The following CTNNA3 variants were observed in gnomAD, a reference collection of about 807,000 sequenced individuals.
The protein encoded by CTNNA3 is catenin alpha 3.
A neutral mutation model predicts 95.7 loss-of-function variants in CTNNA3; 76 were observed. The observed-to-expected ratio is 0.79, with a 90% CI of 0.66 to 0.96. The LOEUF (loss-of-function observed/expected upper bound fraction) is 0.96, where lower values mean the gene tolerates loss of function less well. Ranked by LOEUF, CTNNA3 falls within the 40% of genes least tolerant of loss-of-function variation. The probability of loss-of-function intolerance (pLI) is 0.00; values close to 1 mark genes in which losing one functional copy is unlikely to be tolerated. For synonymous variants in CTNNA3, 431 were observed against 374.4 expected (o/e 1.15, Z -1.74); for missense variants, 1,191 against 1,089.8 (o/e 1.09, Z -1.31).
chr10:66,525,463 A>G (rs965290798), intron 10 of CTNNA3, among the ~76,000 whole-genome samples: 5 of 152,126 alleles, frequency 3.3e-5, no homozygotes, highest in African/African-American at 7.2e-5. Context: ...AGAAGTTGTC[A>G]ACTTGACCTA....
chr10:67,667,697 G>A (rs751247138), intron 1 of CTNNA3, among the ~76,000 whole-genome samples: 17 of 151,946 alleles, frequency 1.1e-4, no homozygotes, highest in Non-Finnish European at 1.9e-4. Flanking sequence ...CTATAAGATC[G>A]TCTCTCATAC....
chr10:66,411,837 C>T (rs879481937), intron 11 of CTNNA3, among the ~76,000 whole-genome samples: 2 of 152,096 alleles, frequency 1.3e-5, no homozygotes, highest in African/African-American at 2.4e-5. Context: ...AGAGTTCCTC[C>T]AGGAAACACA....
chr10:66,393,391 A>T (rs2092949090), intron 11 of CTNNA3, among the ~76,000 whole-genome samples: 1 of 152,110 alleles, frequency 6.6e-6, no homozygotes, highest in African/African-American at 2.4e-5. Flanking sequence ...ATGTATCAGT[A>T]TTGGTTCATC....
chr10:66,611,525 C>T (rs921338628), intron 10 of CTNNA3, among the ~76,000 whole-genome samples: 1 of 152,080 alleles, frequency 6.6e-6, no homozygotes, highest in Non-Finnish European at 1.5e-5. Context: ...ATTCTCTTTT[C>T]CACAATTAGG....
intron 14 of CTNNA3, chr10:66,079,292 T>C (rs887167736): frequency 1.3e-5 from 2 of 151,908 alleles, no homozygotes; most frequent in African/African-American, 2.4e-5. Context: ...AAAAGACGTA[T>C]TTAGAACATT....
intron 5 of CTNNA3, among the ~76,000 whole-genome samples, chr10:67,432,943 T>C (rs924544002): frequency 3.3e-5 from 5 of 151,992 alleles, no homozygotes; most frequent in Non-Finnish European, 7.4e-5. Context: ...TCTAGAAGAG[T>C]ATGTGTAGCA....
At chr10:65,999,152 C>T (rs772028978) in intron 15 of CTNNA3, among the ~76,000 whole-genome samples, 2 of 152,052 alleles carry the variant, frequency 1.3e-5, no homozygotes, top group Non-Finnish European at 2.9e-5. Flanking sequence ...TCAGGCAGGA[C>T]TAGATGTTAC....
chr10:66,428,884 G>A (rs1267762879), intron 11 of CTNNA3, among the ~76,000 whole-genome samples: 1 of 151,720 alleles, frequency 6.6e-6, no homozygotes, highest in Non-Finnish European at 1.5e-5. Flanking sequence ...GCTAGCAGAA[G>A]GCAAGAAATA....
chr10:66,403,953 T>A (rs1353536642), intron 11 of CTNNA3, among the ~76,000 whole-genome samples: 1 of 152,180 alleles, frequency 6.6e-6, no homozygotes, highest in Non-Finnish European at 1.5e-5. Context: ...TTTGTAAGAC[T>A]GAGAGGCCAC....
rs966968520 is a variant in CTNNA3, at chr10:65,918,357, C to G, written c.*1973G>C. On this transcript the variant is annotated 3_prime_UTR_variant, in exon 18 of 18. Coordinates refer to ENST00000433211, the MANE Select transcript of CTNNA3 (RefSeq NM_013266.4). ...GGTGATTTCAAAAAAATTTTCTATA[C>G]AGCTGGTAGTTTGGTGATTAAAAGA... is the stretch of plus-strand genomic sequence containing the variant. The G allele has an allele frequency of 6.6e-6, 1 of 152,096 alleles. No homozygotes were observed. Among genetic ancestry groups the G allele is most frequent in the Non-Finnish European group, 1.5e-5 (1 of 68,020 alleles). 9.4% of individuals were successfully genotyped at this position (152,096 alleles called of 1,614,324 possible).
At chr10:67,442,337 T>C (rs1348767668) in intron 5 of CTNNA3, among the ~76,000 whole-genome samples, 4 of 151,062 alleles carry the variant, frequency 2.6e-5, no homozygotes, top group Non-Finnish European at 5.9e-5. Flanking sequence ...AATAACAAAA[T>C]AACAATAAGT....
chr10:66,847,735 G>A (rs984552473), intron 7 of CTNNA3, among the ~76,000 whole-genome samples: 1 of 152,108 alleles, frequency 6.6e-6, no homozygotes, highest in East Asian at 1.9e-4. Flanking sequence ...AAAGTGCTCA[G>A]TACATATGTC....
chr10:67,134,824 C>T (rs1291306867), intron 7 of CTNNA3, among the ~76,000 whole-genome samples: 2 of 151,930 alleles, frequency 1.3e-5, no homozygotes, highest in Non-Finnish European at 2.9e-5. Flanking sequence ...TATGGGATAT[C>T]CAGAAGTTAT....
At chr10:67,665,588 T>C (rs901408261) in intron 1 of CTNNA3, 1 of 152,168 alleles carries the variant, frequency 6.6e-6, no homozygotes, top group Non-Finnish European at 1.5e-5. Context: ...AAACCAATTG[T>C]CTAAGCAATT....
At chr10:66,778,843 G>A (rs981922806) in intron 7 of CTNNA3, among the ~76,000 whole-genome samples, 7 of 152,086 alleles carry the variant, frequency 4.6e-5, no homozygotes, top group Admixed American at 4.6e-4. Flanking sequence ...GGGCATGGTG[G>A]CGCATATCTG....
In CTNNA3 at chr10:66,336,108, G is replaced by A. The variant is rs555206689; in HGVS notation, c.1732+43044C>T. On this transcript the variant is annotated intron_variant, in intron 12 of 17. Coordinates refer to ENST00000433211, the MANE Select transcript of CTNNA3 (RefSeq NM_013266.4). The stretch of plus-strand genomic sequence containing the variant: ...CGCAGTATTAGGGTGGGAGTGACCC[G>A]ATTTTCCAGGTGCCGTCTGTCACCC... Among the ~76,000 whole-genome samples, 221 of 152,202 alleles carry A rather than the reference G, an allele frequency of 1.5e-3. 1 individual carries two copies. The highest frequency in any genetic ancestry group is 4.7e-3 in the African/African-American group (197 of 41,564).
chr10:66,781,486 C>G (rs1268134515), intron 7 of CTNNA3, among the ~76,000 whole-genome samples: 2 of 152,258 alleles, frequency 1.3e-5, no homozygotes, highest in South Asian at 2.1e-4. Context: ...TAGAATACCA[C>G]TGTACTGAAT....
chr10:67,469,425 G>GT (rs553590503), intron 5 of CTNNA3, among the ~76,000 whole-genome samples: 160 of 152,116 alleles, frequency 1.1e-3, no homozygotes, highest in African/African-American at 3.6e-3. Flanking sequence ...GGAAAAGTGG[G>GT]TTTTTTTAAG....
chr10:67,608,220 T>C lies in CTNNA3; in HGVS notation c.100-1171A>G, dbSNP rs1843345282. Reference sequence around the variant, plus strand: ...TTGTCCCCTGAAGCAACCACTGTTCTATATGATTCAGAATGTTTCTCCCTC... The same window carrying C: ...TTGTCCCCTGAAGCAACCACTGTTCCATATGATTCAGAATGTTTCTCCCTC... On this transcript the variant is annotated intron_variant, in intron 2 of 17. Coordinates refer to ENST00000433211, the MANE Select transcript of CTNNA3 (RefSeq NM_013266.4). Among the ~76,000 whole-genome samples, 3 of 152,196 alleles carry C rather than the reference T, an allele frequency of 2.0e-5. No homozygotes were observed. In the South Asian group the frequency reaches 6.2e-4, roughly 32 times the overall value.
Sources: allele counts gnomAD v4.1 joint callset (sites outside exome capture counted in the v4.1 genomes callset), GRCh38; gene constraint gnomAD v4.1.1; transcripts MANE v1.5; gene names NCBI Gene and HGNC (gene_info 2026-07-23, HGNC 2026-07-21).